The following EBF1 variants were observed in gnomAD, a reference collection of about 807,000 sequenced individuals.
The protein encoded by EBF1 is transcription factor COE1.
A neutral mutation model predicts 68.4 loss-of-function variants in EBF1; 10 were observed. The ratio of observed to expected loss-of-function variants is 0.15; its 90% confidence interval spans 0.09 to 0.25. EBF1 has a LOEUF of 0.25. EBF1 is among the 10% of genes least tolerant of loss of function. EBF1 has a pLI of 1.00. For synonymous variants in EBF1, 298 were observed against 299.8 expected, an observed-to-expected ratio of 0.99 and a Z score of 0.06; for missense variants, 509 against 794.4, an observed-to-expected ratio of 0.64 and a Z score of 4.32.
chr5:159,035,878 T>C (rs960423271), intron 6 of EBF1, among the ~76,000 whole-genome samples: 2 of 152,212 alleles, frequency 1.3e-5, no homozygotes, highest in African/African-American at 2.4e-5. Context: ...AAATCTCCTT[T>C]TGGGGTTCGA....
At chr5:158,730,752 CATGCTA>C (rs896775913) in intron 11 of EBF1, among the ~76,000 whole-genome samples, 2 of 152,210 alleles carry the variant, frequency 1.3e-5, no homozygotes, top group Non-Finnish European at 2.9e-5. Flanking sequence ...TAGCGATTTA[CATGCTA>C]TGTGACCTTG....
chr5:159,054,748 C>T (rs1263941204), intron 6 of EBF1, among the ~76,000 whole-genome samples: 1 of 151,992 alleles, frequency 6.6e-6, no homozygotes, highest in East Asian at 1.9e-4. Context: ...CTCTGTATAT[C>T]AACATTAGGC....
intron 6 of EBF1, among the ~76,000 whole-genome samples, chr5:159,018,322 G>C (rs1207621120): frequency 6.6e-6 from 1 of 152,172 alleles, no homozygotes; most frequent in Non-Finnish European, 1.5e-5. Flanking sequence ...TCTCAAGTCA[G>C]GGTATAAGAT....
At chr5:159,025,830 A>G (rs1028552810) in intron 6 of EBF1, among the ~76,000 whole-genome samples, 4 of 152,214 alleles carry the variant, frequency 2.6e-5, no homozygotes, top group Non-Finnish European at 5.9e-5. Context: ...ACCTCTGAAT[A>G]GGAGGAATAA....
chr5:158,909,264 G>A (rs1805362542), intron 6 of EBF1, among the ~76,000 whole-genome samples: 1 of 152,204 alleles, frequency 6.6e-6, no homozygotes, highest in East Asian at 1.9e-4. Context: ...GGATGGTGGT[G>A]CTGGTGGTTT....
At chr5:158,826,273 A>G (rs1786088071) in intron 7 of EBF1, among the ~76,000 whole-genome samples, 1 of 152,216 alleles carries the variant, frequency 6.6e-6, no homozygotes, top group Non-Finnish European at 1.5e-5. Context: ...ATCTGTTATA[A>G]TTACACCTTT....
At chr5:158,927,429 G>C (rs746008418) in intron 6 of EBF1, among the ~76,000 whole-genome samples, 14 of 152,150 alleles carry the variant, frequency 9.2e-5, no homozygotes, top group Non-Finnish European at 1.6e-4. Flanking sequence ...CTGAAATTCA[G>C]TGCTTTCCTC....
chr5:158,713,032 A>T lies in EBF1; in HGVS notation c.1307T>A (p.Val436Glu). 1 of 1,580,090 alleles carries T rather than the reference A, an allele frequency of 6.3e-7. No individual in the cohort carries two copies. Among genetic ancestry groups the T allele is most frequent in the Non-Finnish European group, 8.6e-7 (1 of 1,160,472 alleles). The part of the protein sequence containing the change: ...NTSVHAGMMG[V>E]NSFSGQLAVN... The stretch of plus-strand genomic sequence containing the variant: ...GGCCAGTTGTCCACTGAACGAATTC[A>T]CGCCCATCATCCCTGCGTGGACCGA... Residue 436 changes from valine (V) to glutamate (E), a missense_variant, in exon 13 of 16, where the codon GTG (valine) becomes GAG (glutamate). This residue lies in a region of EBF1 where 205 missense variants were observed against 247.4 expected (regional missense o/e 0.83). Transcript: ENST00000313708.
At chr5:158,900,375 A>G (rs1803039408) in intron 6 of EBF1, among the ~76,000 whole-genome samples, 1 of 152,200 alleles carries the variant, frequency 6.6e-6, no homozygotes, top group Non-Finnish European at 1.5e-5. Context: ...TTCCTAATGA[A>G]ATCAAATTTT....
At chr5:158,804,734 A>G (rs1781260012) in intron 8 of EBF1, among the ~76,000 whole-genome samples, 1 of 152,142 alleles carries the variant, frequency 6.6e-6, no homozygotes, top group Non-Finnish European at 1.5e-5. Context: ...GTGTGACTAC[A>G]CTGTTTTCCA....
At chr5:158,907,701 C>T (rs901969367) in intron 6 of EBF1, among the ~76,000 whole-genome samples, 6 of 151,968 alleles carry the variant, frequency 3.9e-5, no homozygotes, top group Non-Finnish European at 8.8e-5. Flanking sequence ...CTATCACCAC[C>T]CAAAACATGT....
chr5:158,758,767 A>G (rs1770714987), intron 10 of EBF1, among the ~76,000 whole-genome samples: 1 of 152,186 alleles, frequency 6.6e-6, no homozygotes, highest in Non-Finnish European at 1.5e-5. Flanking sequence ...CTTCCCAAAC[A>G]TGGCGTGGTT....
At chr5:158,707,869 G>A (rs770676832) in intron 15 of EBF1, 110 bp downstream of exon 15, 9 of 1,283,078 alleles carry the variant, frequency 7.0e-6, no homozygotes, top group South Asian at 1.5e-5. Flanking sequence ...AGAGAATCAG[G>A]CAGGGCCCAA....
chr5:158,807,420 G>A (rs1781797369), intron 8 of EBF1, among the ~76,000 whole-genome samples: 1 of 152,146 alleles, frequency 6.6e-6, no homozygotes, highest in Non-Finnish European at 1.5e-5. Flanking sequence ...TGTGGATCCA[G>A]CACTACCAGC....
chr5:158,963,947 G>C lies in EBF1; in HGVS notation c.554+109449C>G, dbSNP rs551352239. Among the ~76,000 whole-genome samples, 5 of 152,286 alleles carry C rather than the reference G, an allele frequency of 3.3e-5. No homozygotes were observed. In the South Asian group the frequency reaches 1.0e-3, roughly 32 times the overall value. On this transcript the variant is annotated intron_variant, in intron 6 of 15. Coordinates refer to ENST00000313708, the MANE Select transcript of EBF1 (RefSeq NM_024007.5). ...CCTCAAGGAGCTCGCTGCTGGGGAT[G>C]GGGGGAGTTACATGGTAAACTGTTA...
chr5:159,019,578 A>T (rs1766274059), intron 6 of EBF1, among the ~76,000 whole-genome samples: 1 of 152,230 alleles, frequency 6.6e-6, no homozygotes, highest in Admixed American at 6.5e-5. Flanking sequence ...AGTGTTTTAT[A>T]TCTGCCTCAT....
intron 6 of EBF1, among the ~76,000 whole-genome samples, chr5:158,918,504 C>CA: frequency 6.6e-6 from 1 of 151,596 alleles, no homozygotes; most frequent in South Asian, 2.1e-4. Context: ...ATTAGTGTTA[C>CA]GAGACAGAGA....
At position 158,735,271 on chromosome 5, in the gene EBF1, G is replaced by A. The variant is rs371523434; in HGVS notation, c.1037-4114C>T. On this transcript the variant is annotated intron_variant, in intron 10 of 15. Transcript: ENST00000313708. ...GGTCCTCCTTATAGTCACCTCCTCT[G>A]CTCCTCTTTCTGACAAAGTCTAGGG... Among the ~76,000 whole-genome samples, 61 of 152,186 alleles carry A rather than the reference G, an allele frequency of 4.0e-4. 1 individual carries two copies. Among genetic ancestry groups the A allele is most frequent in the East Asian group, 3.7e-3 (19 of 5,176 alleles).
At chr5:158,722,221 G>A (rs1357520657) in intron 11 of EBF1, among the ~76,000 whole-genome samples, 3 of 152,182 alleles carry the variant, frequency 2.0e-5, no homozygotes, top group Admixed American at 6.5e-5. Flanking sequence ...TTTTTCAGGG[G>A]TAGGTTGTAA....
Sources: allele counts gnomAD v4.1 joint callset (sites outside exome capture counted in the v4.1 genomes callset), GRCh38; gene constraint gnomAD v4.1.1; regional missense constraint gnomAD v4.1.1; transcripts MANE v1.5; gene names NCBI Gene and HGNC (gene_info 2026-07-23, HGNC 2026-07-21).